Variants in EVL observed in about 807,000 individuals in gnomAD.
EVL encodes the protein Enah/Vasp-like, also known as ena/VASP-like protein.
A neutral mutation model predicts 59.6 loss-of-function variants in EVL; 21 were observed. The observed-to-expected ratio is 0.35, with a 90% CI of 0.25 to 0.51. EVL has a LOEUF of 0.51. Ranked by LOEUF, EVL falls within the 20% of genes least tolerant of loss-of-function variation. The pLI is 0.97. For missense variants in EVL, 462 were observed against 546.6 expected, an observed-to-expected ratio of 0.85 and a Z score of 1.54; for synonymous variants, 198 against 203.5, an observed-to-expected ratio of 0.97 and a Z score of 0.23.
intron 1 of EVL, among the ~76,000 whole-genome samples, chr14:100,034,055 G>A (rs1334064593): frequency 2.6e-5 from 4 of 150,986 alleles, no homozygotes; most frequent in Non-Finnish European, 4.4e-5. Flanking sequence ...GCAAAACCCC[G>A]TCTCTACTAA....
intron 2 of EVL, among the ~76,000 whole-genome samples, chr14:100,089,016 C>T (rs1203585377): frequency 1.3e-5 from 2 of 152,160 alleles, no homozygotes; most frequent in Non-Finnish European, 2.9e-5. Context: ...TCAGACAAAG[C>T]AGACTTTAAG....
chr14:100,116,278 G>A (rs886470287), intron 3 of EVL, among the ~76,000 whole-genome samples: 1 of 151,894 alleles, frequency 6.6e-6, no homozygotes, highest in African/African-American at 2.4e-5. Flanking sequence ...GCAGGGAGGA[G>A]GCCTTAGAAG....
chr14:100,128,784 G>A (rs201601257), intron 6 of EVL, 36 bp downstream of exon 6: 143 of 1,561,004 alleles, frequency 9.2e-5, no homozygotes, highest in African/African-American at 4.2e-4. Context: ...GAATGGGACC[G>A]AGGGGACCCT....
intron 8 of EVL, among the ~76,000 whole-genome samples, chr14:100,133,079 C>T (rs1595244599): frequency 1.3e-5 from 2 of 152,262 alleles, no homozygotes; most frequent in Admixed American, 6.5e-5. Flanking sequence ...CCCCGGGGAG[C>T]ACAGACCAGC....
chr14:99,981,424 G>T (rs1320721886), intron 1 of EVL, among the ~76,000 whole-genome samples: 3 of 152,096 alleles, frequency 2.0e-5, no homozygotes, highest in Non-Finnish European at 4.4e-5. Context: ...GAGTGAAACT[G>T]TCTCAAAAAT....
intron 1 of EVL, among the ~76,000 whole-genome samples, chr14:100,072,027 A>T (rs754735651): frequency 6.6e-6 from 1 of 152,150 alleles, no homozygotes; most frequent in Non-Finnish European, 1.5e-5. Flanking sequence ...TCTGGCAGTC[A>T]CCTCTTAACC....
chr14:100,087,562 C>T (rs1329597269), intron 2 of EVL, among the ~76,000 whole-genome samples: 2 of 152,148 alleles, frequency 1.3e-5, no homozygotes, highest in African/African-American at 2.4e-5. Context: ...TTCAGTAAGC[C>T]GTGGTCGCGC....
intron 1 of EVL, among the ~76,000 whole-genome samples, chr14:100,066,054 A>C (rs867938258): frequency 2.8e-4 from 42 of 151,698 alleles, no homozygotes; most frequent in African/African-American, 1.0e-3. Context: ...TACAAACCGC[A>C]CTCCTCATTG....
chr14:100,137,269 C>G (rs1304561705), intron 9 of EVL: 1 of 441,196 alleles, frequency 2.3e-6, no homozygotes, highest in Non-Finnish European at 4.2e-6. Flanking sequence ...CTGGGATGTC[C>G]GGGGAGGTCG....
At chr14:99,973,965 T>C (rs995614701) in intron 1 of EVL, among the ~76,000 whole-genome samples, 2 of 152,224 alleles carry the variant, frequency 1.3e-5, no homozygotes, top group Admixed American at 6.5e-5. Context: ...CATCTTCCAG[T>C]CTTCGCTTTG....
chr14:100,098,469 T>C (rs372119746), intron 3 of EVL, among the ~76,000 whole-genome samples: 1 of 152,228 alleles, frequency 6.6e-6, no homozygotes, highest in Admixed American at 6.5e-5. Context: ...CATCAGGGCT[T>C]GCACAGTGAA....
intron 1 of EVL, among the ~76,000 whole-genome samples, chr14:99,994,319 T>C (rs868406193): frequency 2.0e-5 from 3 of 152,062 alleles, no homozygotes; most frequent in Non-Finnish European, 2.9e-5. Context: ...ATAGTTTTTC[T>C]GTATGCCTTG....
At chr14:100,058,052 A>G (rs537266843) in intron 1 of EVL, among the ~76,000 whole-genome samples, 3 of 152,330 alleles carry the variant, frequency 2.0e-5, no homozygotes, top group Non-Finnish European at 4.4e-5. Context: ...CAAACATCCC[A>G]ATGAGAAAGA....
chr14:100,059,580 G>A (rs2061787756), intron 1 of EVL, among the ~76,000 whole-genome samples: 1 of 151,128 alleles, frequency 6.6e-6, no homozygotes, highest in African/African-American at 2.4e-5. Context: ...AGAGCTGAAT[G>A]ATGATGCCAG....
At chr14:100,116,755 C>G (rs980683676) in intron 3 of EVL, among the ~76,000 whole-genome samples, 16 of 152,196 alleles carry the variant, frequency 1.1e-4, no homozygotes, top group Admixed American at 3.3e-4. Context: ...TTTGGAAATT[C>G]AGAGAGAGGA....
At chr14:100,131,960 C>T (rs890206552) in intron 7 of EVL, among the ~76,000 whole-genome samples, 1 of 152,064 alleles carries the variant, frequency 6.6e-6, no homozygotes, top group African/African-American at 2.4e-5. Flanking sequence ...AGCCTGGCCA[C>T]GGCCCATTAT....
rs764276714 is a variant in EVL, at chr14:100,137,609, C to T, written c.996C>T (p.Asn332=). 3.1e-6 allele frequency: 5 copies of T among 1,613,948 alleles called. No individual in the cohort carries two copies. Among genetic ancestry groups the T allele is most frequent in the East Asian group, 4.5e-5 (2 of 44,898 alleles). ...GCCGGAAGCCCTGGGAGCGGAGCAA[C>T]TCGGTGGAGAAGCCTGTGTCCTCGA... ...EAGRKPWERS[N]SVEKPVSSIL... Residue 332 remains asparagine, a synonymous_variant, in exon 10 of 14, where the codon AAC becomes AAT. Transcript: ENST00000392920.
At chr14:100,087,887 C>G (rs900149461) in intron 2 of EVL, among the ~76,000 whole-genome samples, 1 of 152,054 alleles carries the variant, frequency 6.6e-6, no homozygotes, top group Non-Finnish European at 1.5e-5. Context: ...GGTGAAAGAT[C>G]TGAAAGCGGG....
chr14:100,069,698 A>C (rs141747154), intron 1 of EVL, among the ~76,000 whole-genome samples: 54 of 152,272 alleles, frequency 3.5e-4, no homozygotes, highest in Middle Eastern at 3.4e-3. Context: ...TGGAGATTCT[A>C]GGTTATTCTC....
Sources: allele counts gnomAD v4.1 joint callset (sites outside exome capture counted in the v4.1 genomes callset), GRCh38; gene constraint gnomAD v4.1.1; transcripts MANE v1.5; gene names NCBI Gene and HGNC (gene_info 2026-07-23, HGNC 2026-07-21).